Variants in UBE2O observed in about 807,000 individuals in gnomAD.
The protein encoded by UBE2O is (E3-independent) E2 ubiquitin-conjugating enzyme.
In UBE2O, 15 loss-of-function variants were observed where a neutral mutation model predicts 125.8. The observed-to-expected ratio is 0.12, with a 90% confidence interval of 0.08 to 0.18. The LOEUF (loss-of-function observed/expected upper bound fraction) is 0.18. Ranked by LOEUF, UBE2O falls within the 10% of genes least tolerant of loss-of-function variation. The pLI is 1.00. For missense variants in UBE2O, 1,280 were observed against 1,723.6 expected (o/e 0.74, Z 4.56); for synonymous variants, 708 against 703.2 (o/e 1.01, Z -0.11).
At position 76,395,607 on chromosome 17, in the gene UBE2O, T is replaced by C. The variant is rs2072193816; in HGVS notation, c.2946+118A>G. On this transcript the variant is annotated intron_variant, in intron 15 of 17. Coordinates refer to ENST00000319380, the MANE Select transcript of UBE2O (RefSeq NM_022066.4). The surrounding 1 kb of genome is among the most constrained non-coding windows in gnomAD (Gnocchi z 5.0). ...ACCGCCCCTGTAAAAGGTGGGTGGG[T>C]GAGTGTCCTCGCAGGTGCCAGTCAG... 2 of 1,282,714 alleles carry C rather than the reference T, an allele frequency of 1.6e-6. No homozygotes were observed. 79.5% of individuals were successfully genotyped at this position (1,282,714 alleles called of 1,614,324 possible). A position where few individuals can be genotyped will look rare whatever the true frequency, so the allele number is the denominator to read the frequency against.
At chr17:76,409,136 T>C (rs1173278286) in intron 1 of UBE2O, among the ~76,000 whole-genome samples, 4 of 151,666 alleles carry the variant, frequency 2.6e-5, no homozygotes, top group South Asian at 4.2e-4. Flanking sequence ...GCCCGGCTAA[T>C]TTTTTGTATT....
At position 76,399,752 on chromosome 17, in the gene UBE2O, G is replaced by A; in HGVS notation, c.1325C>T (p.Pro442Leu). The change falls in exon 9 of 18, where the codon CCA (proline) becomes CTA (leucine). Residue 442 changes from proline to leucine, a missense_variant. Around this residue, in one of 10 missense-constraint regions of UBE2O, gnomAD observed 141 missense variants for 141.3 expected, o/e 1.00. Coordinates refer to ENST00000319380, the MANE Select transcript of UBE2O (RefSeq NM_022066.4). The surrounding 1 kb of genome is among the most constrained non-coding windows in gnomAD (Gnocchi z 6.9). ...TGCACCCTCGTCCTGCATCTCCACTGGACTGGCAGAGCCATCGGGCGTCTC... is the reference window on the plus strand; with the variant it reads ...TGCACCCTCGTCCTGCATCTCCACTAGACTGGCAGAGCCATCGGGCGTCTC... Reference protein sequence around the residue: ...PEETPDGSASPVEMQDEGAEE... With the variant: ...PEETPDGSASLVEMQDEGAEE... The A allele has an allele frequency of 6.2e-7, 1 of 1,614,208 alleles. No homozygotes were observed. The highest frequency in any genetic ancestry group is 8.5e-7 in the Non-Finnish European group (1 of 1,180,036).
chr17:76,418,357 T>C (rs1436501171), intron 1 of UBE2O, among the ~76,000 whole-genome samples: 1 of 152,188 alleles, frequency 6.6e-6, no homozygotes, highest in African/African-American at 2.4e-5. Context: ...ACTTGGACTA[T>C]AGGACACCCT....
At chr17:76,449,395 C>T (rs920724345) in intron 1 of UBE2O, among the ~76,000 whole-genome samples, 1 of 152,020 alleles carries the variant, frequency 6.6e-6, no homozygotes, top group South Asian at 2.1e-4. Flanking sequence ...GCCAAAATGG[C>T]AAACTGCCGT....
Position 76,452,670 on chromosome 17 carries a change from C to A in UBE2O, c.417+55G>T. On this transcript the variant is annotated intron_variant, in intron 1 of 17. Coordinates refer to ENST00000319380, the MANE Select transcript of UBE2O (RefSeq NM_022066.4). The surrounding 1 kb of genome is among the most constrained non-coding windows in gnomAD (Gnocchi z 4.4). ...CCTGCACGCCGTCCTTCCCTGGCCTCGGCCCGGCCGCCGACCCCCTGCCGC... is the reference window on the plus strand; with the variant it reads ...CCTGCACGCCGTCCTTCCCTGGCCTAGGCCCGGCCGCCGACCCCCTGCCGC... 2 of 1,337,674 alleles carry A rather than the reference C, an allele frequency of 1.5e-6. No individual in the cohort carries two copies. Among genetic ancestry groups the A allele is most frequent in the South Asian group, 3.9e-5 (2 of 51,176 alleles). The allele number at this position is 1,337,674 out of a possible 1,614,324, so 82.9% of individuals were successfully genotyped here.
chr17:76,439,082 A>G (rs2073042239), intron 1 of UBE2O, among the ~76,000 whole-genome samples: 1 of 152,214 alleles, frequency 6.6e-6, no homozygotes, highest in South Asian at 2.1e-4. Context: ...GCACACACAC[A>G]GCAAGCATGA....
intron 1 of UBE2O, among the ~76,000 whole-genome samples, chr17:76,447,956 A>G (rs1473360889): frequency 6.6e-6 from 1 of 152,222 alleles, no homozygotes; most frequent in Non-Finnish European, 1.5e-5. Flanking sequence ...TGGTTATTCC[A>G]TCCGAGCAGG....
At chr17:76,439,681 C>T (rs2073050003) in intron 1 of UBE2O, among the ~76,000 whole-genome samples, 2 of 152,154 alleles carry the variant, frequency 1.3e-5, no homozygotes, top group Admixed American at 6.5e-5. Context: ...GTTCTGAGGC[C>T]TAAGTCTGAA....
chr17:76,391,503 G>C lies in UBE2O; in HGVS notation c.3319C>G (p.Arg1107Gly). The change falls in exon 18 of 18, where the codon CGC (arginine) becomes GGC (glycine). Residue 1107 changes from arginine to glycine, a missense_variant. Arg to Gly is a moderately radical substitution (Grantham distance 125, BLOSUM62 -2). Around this residue, in one of 10 missense-constraint regions of UBE2O, gnomAD observed 233 missense variants for 279.0 expected, o/e 0.84. Transcript: ENST00000319380. The surrounding 1 kb of genome is among the most constrained non-coding windows in gnomAD (Gnocchi z 8.4). ...SRCYNEMALI[R>G]VVQSMTQLVR... ...AGCTGGGTCATGGACTGCACCACGC[G>C]GATCAGCGCCATCTCATTGTAACAG... 1.2e-6 allele frequency: 2 copies of C among 1,614,034 alleles called. No individual in the cohort carries two copies. The highest frequency in any genetic ancestry group is 1.7e-6 in the Non-Finnish European group (2 of 1,180,044).
Position 76,396,528 on chromosome 17 carries a change from G to A in UBE2O, c.2409C>T (p.Gly803=). The A allele has an allele frequency of 6.2e-7, 1 of 1,613,294 alleles. No individual in the cohort carries two copies. The highest frequency in any genetic ancestry group is 8.5e-7 in the Non-Finnish European group (1 of 1,179,774). The stretch of plus-strand genomic sequence containing the variant: ...GGAAGCTCTTGGGTGGCCCGTCCTT[G>A]CCAGCCTTCTCCATCAGCCCGGCCA... ...APMAGLMEKA[G]KDGPPKSFRE... Residue 803 remains glycine (G), a synonymous_variant, in exon 14 of 18, where the codon GGC becomes GGT. Transcript: ENST00000319380. This position sits in a 1 kb window ranked among gnomAD's most constrained non-coding sequence, Gnocchi z 6.7.
Position 76,453,065 on chromosome 17 carries a change from G to T in UBE2O, c.77C>A (p.Pro26Gln). ...QAPAPAPEAVPAPAAAPVPAP... is the reference protein window; with the variant it reads ...QAPAPAPEAVQAPAAAPVPAP... ...CGGGACGGGGGCTGCGGCTGGGGCC[G>T]GGACTGCCTCCGGGGCTGGAGCCGG... The change falls in exon 1 of 18, where the codon CCG (proline) becomes CAG (glutamine). Residue 26 changes from proline (P) to glutamine (Q), a missense_variant. This residue lies in a region of UBE2O where 188 missense variants were observed against 192.5 expected (regional missense o/e 0.98). Coordinates refer to ENST00000319380, the MANE Select transcript of UBE2O (RefSeq NM_022066.4). 1 of 1,302,498 alleles carries T rather than the reference G, an allele frequency of 7.7e-7. No homozygotes were observed. Among genetic ancestry groups the T allele is most frequent in the Non-Finnish European group, 1.0e-6 (1 of 1,001,404 alleles). The allele number at this position is 1,302,498 out of a possible 1,614,324, so 80.7% of individuals were successfully genotyped here. A position where few individuals can be genotyped will look rare whatever the true frequency, so the allele number is the denominator to read the frequency against.
intron 1 of UBE2O, among the ~76,000 whole-genome samples, chr17:76,446,952 T>A (rs2073161721): frequency 6.6e-6 from 1 of 152,018 alleles, no homozygotes; most frequent in Admixed American, 6.5e-5. Flanking sequence ...ATGAAAAGAG[T>A]GGAATCTGCA....
Position 76,452,610 on chromosome 17 carries a change from G to T in UBE2O, c.417+115C>A. The T allele has an allele frequency of 2.0e-6, 2 of 991,118 alleles. No homozygotes were observed. The highest frequency in any genetic ancestry group is 2.7e-6 in the Non-Finnish European group (2 of 753,672). 61.4% of individuals were successfully genotyped at this position (991,118 alleles called of 1,614,324 possible). On this transcript the variant is annotated intron_variant, in intron 1 of 17. Coordinates refer to ENST00000319380, the MANE Select transcript of UBE2O (RefSeq NM_022066.4). The surrounding 1 kb of genome is among the most constrained non-coding windows in gnomAD (Gnocchi z 4.4). ...CCCTCCACTGGGGCTGTCCTCCCGCGTCGGCCACTGCAGTGGCACCGCTCC... is the reference window on the plus strand; with the variant it reads ...CCCTCCACTGGGGCTGTCCTCCCGCTTCGGCCACTGCAGTGGCACCGCTCC...
chr17:76,424,863 A>AT (rs2072779546), intron 1 of UBE2O, among the ~76,000 whole-genome samples: 3 of 142,860 alleles, frequency 2.1e-5, no homozygotes, highest in South Asian at 4.4e-4. Context: ...TTTTTTTTTT[A>AT]TTTTTTATTT....
rs2072257568 is a variant in UBE2O at position 76,398,577 on chromosome 17, G to A, written c.1791C>T (p.Ser597=). ...CACCGTAGACAGCAGGGTCTGGACA[G>A]CTCTGGACTAGGGAACCAGAGAAAG... is the stretch of plus-strand genomic sequence containing the variant. ...GDFVVDKRVQ[S]CPDPAVYGVV... is the part of the protein sequence containing the mutation. The change falls in exon 11 of 18, where the codon AGC becomes AGT. Residue 597 remains serine (S), a synonymous_variant. Coordinates refer to ENST00000319380, the MANE Select transcript of UBE2O (RefSeq NM_022066.4). The surrounding 1 kb of genome is among the most constrained non-coding windows in gnomAD (Gnocchi z 5.4). The A allele has an allele frequency of 2.5e-6, 4 of 1,613,904 alleles. No homozygotes were observed. The highest frequency in any genetic ancestry group is 2.5e-6 in the Non-Finnish European group (3 of 1,179,890).
In UBE2O at chr17:76,405,662, T is replaced by C; in HGVS notation, c.418-90A>G. ...CCAGCTTCTGAAGGAAAGCGTCACA[T>C]CCACACTGCTAAGTGCACAAATCCT... On this transcript the variant is annotated intron_variant, in intron 1 of 17. Transcript: ENST00000319380. This position sits in a 1 kb window ranked among gnomAD's most constrained non-coding sequence, Gnocchi z 6.1. 1 of 1,130,656 alleles carries C rather than the reference T, an allele frequency of 8.8e-7. No homozygotes were observed. The highest frequency in any genetic ancestry group is 1.3e-6 in the Non-Finnish European group (1 of 772,852). The allele number at this position is 1,130,656 out of a possible 1,614,324, so 70.0% of individuals were successfully genotyped here.
intron 1 of UBE2O, among the ~76,000 whole-genome samples, chr17:76,415,749 A>G (rs1399220057): frequency 2.0e-5 from 3 of 151,540 alleles, no homozygotes; most frequent in Non-Finnish European, 2.9e-5. Flanking sequence ...AGTTTGAGTG[A>G]GCTGAGATCA....
intron 13 of UBE2O, among the ~76,000 whole-genome samples, chr17:76,397,197 G>C (rs894165166): frequency 2.6e-5 from 4 of 152,254 alleles, no homozygotes; most frequent in Middle Eastern, 3.2e-3. Flanking sequence ...TGTGTGGGGA[G>C]CTGGGAACAT....
rs948050441 is a variant in UBE2O, at chr17:76,398,669, C to A, written c.1784-85G>T. 28 of 1,493,804 alleles carry A rather than the reference C, an allele frequency of 1.9e-5. No individual in the cohort carries two copies. In the African/African-American group the frequency reaches 3.9e-4, roughly 21 times the overall value. 92.5% of individuals were successfully genotyped at this position (1,493,804 alleles called of 1,614,324 possible). ...CTCAAGCCAGTGCAGAGTGCAGAAC[C>A]CTGACCTTCCCCCGTCTTGGAAGTG... On this transcript the variant is annotated intron_variant, in intron 10 of 17. Coordinates refer to ENST00000319380, the MANE Select transcript of UBE2O (RefSeq NM_022066.4). The surrounding 1 kb of genome is among the most constrained non-coding windows in gnomAD (Gnocchi z 5.4).
Sources: allele counts gnomAD v4.1 joint callset (sites outside exome capture counted in the v4.1 genomes callset), GRCh38; gene constraint gnomAD v4.1.1; regional missense constraint gnomAD v4.1.1; non-coding constraint Gnocchi (gnomAD v3.1); transcripts MANE v1.5; gene names NCBI Gene and HGNC (gene_info 2026-07-23, HGNC 2026-07-21).